The following ADAM29 variants were observed in gnomAD, a reference collection of about 807,000 sequenced individuals.
ADAM29 encodes the protein disintegrin and metalloproteinase domain-containing protein 29.
For synonymous variants in ADAM29, 367 were observed against 342.3 expected, an observed-to-expected ratio of 1.07 and a Z score of -0.80; for missense variants, 969 against 1,001.8, an observed-to-expected ratio of 0.97 and a Z score of 0.44.
chr4:174,919,983 A>T (rs1743077966), intron 1 of ADAM29, among the ~76,000 whole-genome samples: 1 of 152,170 alleles, frequency 6.6e-6, no homozygotes, highest in South Asian at 2.1e-4. Context: ...CACTTAACCA[A>T]ATCTTTGTTA....
intron 4 of ADAM29, among the ~76,000 whole-genome samples, chr4:174,956,225 A>G (rs1159829168): frequency 6.6e-6 from 1 of 152,026 alleles, no homozygotes; most frequent in African/African-American, 2.4e-5. Flanking sequence ...CAACTTAAGC[A>G]CATACCTTTC....
At chr4:174,923,519 TTATATGTA>T (rs1360992589) in intron 2 of ADAM29, among the ~76,000 whole-genome samples, 25 of 36,774 alleles carry the variant, frequency 6.8e-4, no homozygotes, top group African/African-American at 1.3e-3. Flanking sequence ...ATACTGTGCA[TTATATGTA>T]TATATATATA....
rs1281019991 is a variant in ADAM29 at position 174,977,901 on chromosome 4, T to C, written c.2376T>C (p.Pro792=). 6.3e-7 allele frequency: 1 copy of C among 1,590,682 alleles called. No homozygotes were observed. The highest frequency in any genetic ancestry group is 1.7e-5 in the Admixed American group (1 of 58,440). The change falls in exon 5 of 5, where the codon CCT becomes CCC. Residue 792 remains proline (P), a synonymous_variant. Coordinates refer to ENST00000359240, the MANE Select transcript of ADAM29 (RefSeq NM_014269.4). The part of the protein sequence containing the change: ...MPSQSHPQLT[P]SQSQPPVTPS... ...CCCAGAGTCATCCTCAGTTGACGCC[T>C]TCCCAGAGTCAACCTCCTGTGACAC...
chr4:174,966,779 C>T (rs1746182997), intron 4 of ADAM29, among the ~76,000 whole-genome samples: 2 of 152,140 alleles, frequency 1.3e-5, no homozygotes, highest in Non-Finnish European at 2.9e-5. Context: ...GAGGCATCCC[C>T]AATGATCTCT....
chr4:174,920,598 A>G (rs1743111366), intron 1 of ADAM29, 89 bp from the exon 2 acceptor site: 1 of 152,154 alleles, frequency 6.6e-6, no homozygotes, highest in Non-Finnish European at 1.5e-5. Flanking sequence ...TCAGGCAGAA[A>G]ACACTGGAAC....
At chr4:174,926,791 T>C (rs1743547083) in intron 2 of ADAM29, among the ~76,000 whole-genome samples, 1 of 151,540 alleles carries the variant, frequency 6.6e-6, no homozygotes, top group South Asian at 2.1e-4. Context: ...ATTTCTATTA[T>C]ATAAAAATCC....
chr4:174,959,281 G>C (rs954831297), intron 4 of ADAM29, among the ~76,000 whole-genome samples: 7 of 151,784 alleles, frequency 4.6e-5, no homozygotes, highest in African/African-American at 1.7e-4. Flanking sequence ...ATACATTAGA[G>C]ATTTGATAAT....
intron 3 of ADAM29, among the ~76,000 whole-genome samples, chr4:174,935,294 G>A (rs1294043139): frequency 1.3e-5 from 2 of 151,934 alleles, no homozygotes; most frequent in African/African-American, 4.8e-5. Flanking sequence ...AAATTTCAAG[G>A]TACCTTCCCA....
intron 4 of ADAM29, among the ~76,000 whole-genome samples, chr4:174,958,259 T>C (rs1745620586): frequency 6.6e-6 from 1 of 151,722 alleles, no homozygotes; most frequent in African/African-American, 2.4e-5. Context: ...TGGGGAATTA[T>C]CCAACTATAA....
intron 4 of ADAM29, among the ~76,000 whole-genome samples, chr4:174,953,083 G>A (rs921946700): frequency 2.6e-5 from 4 of 152,118 alleles, no homozygotes; most frequent in East Asian, 1.9e-4. Context: ...TCAGGAGATC[G>A]AGACCATCCT....
intron 4 of ADAM29, among the ~76,000 whole-genome samples, chr4:174,967,358 T>A (rs1414201397): frequency 6.6e-6 from 1 of 152,170 alleles, no homozygotes; most frequent in East Asian, 1.9e-4. Context: ...GTAGTGGTGG[T>A]TACCTGAATT....
At chr4:174,962,019 A>G (rs887532185) in intron 4 of ADAM29, among the ~76,000 whole-genome samples, 3 of 152,192 alleles carry the variant, frequency 2.0e-5, no homozygotes, top group African/African-American at 7.2e-5. Context: ...AGCAAGTAGT[A>G]TGTATGTTGT....
chr4:174,969,761 T>C (rs1394681359), intron 4 of ADAM29, among the ~76,000 whole-genome samples: 1 of 152,066 alleles, frequency 6.6e-6, no homozygotes, highest in Non-Finnish European at 1.5e-5. Flanking sequence ...TTATACTAAT[T>C]ACTTTTCCAT....
intron 4 of ADAM29, among the ~76,000 whole-genome samples, chr4:174,947,621 T>A (rs1579042031): frequency 6.6e-6 from 1 of 152,288 alleles, no homozygotes; most frequent in East Asian, 1.9e-4. Flanking sequence ...GTTGGTATGA[T>A]TTAGTTGTTT....
intron 4 of ADAM29, among the ~76,000 whole-genome samples, chr4:174,947,165 A>G (rs1033561396): frequency 6.6e-6 from 1 of 151,510 alleles, no homozygotes. Flanking sequence ...CTAGCAGTCT[A>G]TTAATCATAT....
chr4:174,940,434 G>T (rs1209109995), intron 4 of ADAM29, among the ~76,000 whole-genome samples: 4 of 152,218 alleles, frequency 2.6e-5, no homozygotes, highest in East Asian at 3.9e-4. Context: ...GGTCCATAAA[G>T]TCCCTAATGT....
intron 4 of ADAM29, among the ~76,000 whole-genome samples, chr4:174,956,235 C>G (rs1745491278): frequency 6.6e-6 from 1 of 152,022 alleles, no homozygotes; most frequent in African/African-American, 2.4e-5. Flanking sequence ...ACATACCTTT[C>G]CCATTCCATG....
At chr4:174,972,165 G>A (rs1367806755) in intron 4 of ADAM29, among the ~76,000 whole-genome samples, 1 of 152,080 alleles carries the variant, frequency 6.6e-6, no homozygotes, top group African/African-American at 2.4e-5. Flanking sequence ...ATCATATAAT[G>A]ATGTTTCATT....
At chr4:174,935,784 A>C (rs185023868) in intron 3 of ADAM29, among the ~76,000 whole-genome samples, 9 of 152,194 alleles carry the variant, frequency 5.9e-5, no homozygotes, top group African/African-American at 2.2e-4. Context: ...CTGTAAATAG[A>C]AAGATGTAGA....
Sources: gnomAD v4.1 joint callset for allele counts (sites outside exome capture counted in the v4.1 genomes callset) on GRCh38, gnomAD v4.1.1 for gene constraint, MANE v1.5 for transcripts, NCBI Gene and HGNC (gene_info 2026-07-23, HGNC 2026-07-21) for gene names.